AIG1: variants seen among roughly 807,000 people sequenced by gnomAD.
The protein encoded by AIG1 is androgen-induced gene 1 protein.
Under a neutral mutation model 31.4 loss-of-function variants are expected in AIG1, and 23 were observed. That is an observed-to-expected ratio of 0.73 (90% CI 0.53 to 1.04). The LOEUF (loss-of-function observed/expected upper bound fraction) is 1.04. Among genes scored for constraint, AIG1 ranks in the 50% least tolerant of loss-of-function variants. AIG1 has a pLI of 0.00. For synonymous variants in AIG1, 100 were observed against 110.5 expected (o/e 0.90, Z 0.60); for missense variants, 274 against 295.0 (o/e 0.93, Z 0.52).
intron 2 of AIG1, among the ~76,000 whole-genome samples, chr6:143,138,834 A>G (rs991808561): frequency 2.0e-5 from 3 of 151,190 alleles, no homozygotes; most frequent in African/African-American, 4.9e-5. Flanking sequence ...TGGAGGTTGC[A>G]GTGAGCTGAG....
At chr6:143,223,411 T>C (rs996109231) in intron 3 of AIG1, among the ~76,000 whole-genome samples, 6 of 152,330 alleles carry the variant, frequency 3.9e-5, no homozygotes, top group South Asian at 4.1e-4. Context: ...AGGTGTTTAT[T>C]ACCTTGCAAT....
intron 1 of AIG1, among the ~76,000 whole-genome samples, chr6:143,080,414 T>C (rs1353314428): frequency 6.6e-6 from 1 of 152,038 alleles, no homozygotes; most frequent in Non-Finnish European, 1.5e-5. Context: ...AGGTTAAAGA[T>C]ACAAGGATTG....
At chr6:143,342,832 A>G, downstream of AIG1, 2 of 807,394 alleles carry the variant, frequency 2.5e-6, no homozygotes, top group African/African-American at 1.7e-5. Context: ...CTGATATTTC[A>G]AATCTAATCC....
rs1777323417 is a variant in AIG1, at chr6:143,334,426, A to C, written c.679+981A>C. Reference sequence around the variant, plus strand: ...GGTTACTGTGCATGGTTACTGAATCAGACTTTTGTGTGTGTGGATCCTCTA... The same window carrying C: ...GGTTACTGTGCATGGTTACTGAATCCGACTTTTGTGTGTGTGGATCCTCTA... On this transcript the variant is annotated intron_variant, in intron 5 of 5. Transcript: ENST00000357847. This position sits in a 1 kb window ranked among gnomAD's most constrained non-coding sequence, Gnocchi z 5.1. Among the ~76,000 whole-genome samples the C allele has an allele frequency of 6.6e-6, 1 of 152,252 alleles. No homozygotes were observed. Among genetic ancestry groups the C allele is most frequent in the South Asian group, 2.1e-4 (1 of 4,834 alleles).
At position 143,280,485 on chromosome 6, in the gene AIG1, T is replaced by G. The variant is rs1356396439; in HGVS notation, c.400-3625T>G. On this transcript the variant is annotated intron_variant, in intron 3 of 5. Transcript: ENST00000357847. The surrounding 1 kb of genome is among the most constrained non-coding windows in gnomAD (Gnocchi z 4.1). ...TGGAATCAACCTAAATGCCTATCAG[T>G]GACAGATTGGATAAGGAAAATGTGG... Among the ~76,000 whole-genome samples the G allele has an allele frequency of 6.6e-6, 1 of 152,146 alleles. No individual in the cohort carries two copies. Among genetic ancestry groups the G allele is most frequent in the African/African-American group, 2.4e-5 (1 of 41,430 alleles).
intron 1 of AIG1, among the ~76,000 whole-genome samples, chr6:143,123,922 T>C (rs1039809837): frequency 5.3e-5 from 8 of 152,252 alleles, no homozygotes; most frequent in Non-Finnish European, 1.0e-4. Context: ...TAGGTTTTCC[T>C]GATCTACTTT....
downstream of AIG1, among the ~76,000 whole-genome samples, chr6:143,343,773 A>G (rs1777903455): frequency 1.3e-5 from 2 of 152,224 alleles, no homozygotes; most frequent in South Asian, 2.1e-4. Flanking sequence ...GGTTTGTTAT[A>G]TAGGTAAACT....
chr6:143,339,550 A>G (rs1777757864), intron 5 of AIG1, 89 bp from the exon 6 acceptor site: 1 of 1,323,920 alleles, frequency 7.6e-7, no homozygotes, highest in African/African-American at 1.5e-5. Flanking sequence ...AGATGAGTGG[A>G]TGTGTGAGTA....
intron 4 of AIG1, among the ~76,000 whole-genome samples, chr6:143,322,476 G>A (rs1035591437): frequency 2.0e-5 from 3 of 152,154 alleles, no homozygotes; most frequent in Non-Finnish European, 4.4e-5. Flanking sequence ...TCCCTACAAT[G>A]TTCGATGTCT....
chr6:143,107,760 T>A (rs540937498), intron 1 of AIG1, among the ~76,000 whole-genome samples: 1 of 152,188 alleles, frequency 6.6e-6, no homozygotes, highest in African/African-American at 2.4e-5. Context: ...GAGTTATAAG[T>A]CATTTCTGAA....
At chr6:143,097,811 C>G (rs1408059855) in intron 1 of AIG1, among the ~76,000 whole-genome samples, 1 of 152,172 alleles carries the variant, frequency 6.6e-6, no homozygotes, top group Non-Finnish European at 1.5e-5. Context: ...TCTACATTCT[C>G]CCATCATCAA....
At chr6:143,122,589 T>C (rs551058528) in intron 1 of AIG1, among the ~76,000 whole-genome samples, 1 of 152,360 alleles carries the variant, frequency 6.6e-6, no homozygotes, top group Admixed American at 6.5e-5. Context: ...TTTTAGAACA[T>C]ATGTTTCTTT....
intron 3 of AIG1, chr6:143,187,575 C>T (rs1206959373): frequency 1.3e-6 from 2 of 1,536,092 alleles, no homozygotes; most frequent in Non-Finnish European, 1.7e-6. Flanking sequence ...TGAAAAGCAA[C>T]CTTCTGCAGG....
chr6:143,251,892 ATCT>A (rs1208968467), intron 3 of AIG1, among the ~76,000 whole-genome samples: 1 of 152,146 alleles, frequency 6.6e-6, no homozygotes, highest in Non-Finnish European at 1.5e-5. Flanking sequence ...ATTCCATTAC[ATCT>A]TCTCTCCATT....
At chr6:143,218,089 C>T (rs1399843154) in intron 3 of AIG1, among the ~76,000 whole-genome samples, 9 of 152,226 alleles carry the variant, frequency 5.9e-5, no homozygotes, top group Non-Finnish European at 1.3e-4. Context: ...TGCGAATTCA[C>T]TTACTTGTCT....
At position 143,340,941 on chromosome 6, in the gene AIG1, T is replaced by C. The variant is rs757400749; in HGVS notation, c.*1265T>C. 2.0e-5 allele frequency among the ~76,000 whole-genome samples: 3 copies of C among 152,172 alleles called. No homozygotes were observed. The highest frequency in any genetic ancestry group is 2.1e-4 in the South Asian group (1 of 4,824). ...CATTCACTCCAAAATTATAATTACA[T>C]TTTAAAATTAAAAAATGAAAAGCAT... is the stretch of plus-strand genomic sequence containing the variant. On this transcript the variant is annotated 3_prime_UTR_variant, in exon 6 of 6. Transcript: ENST00000357847.
intron 3 of AIG1, among the ~76,000 whole-genome samples, chr6:143,190,860 A>G (rs1789729341): frequency 6.6e-6 from 1 of 152,218 alleles, no homozygotes; most frequent in African/African-American, 2.4e-5. Flanking sequence ...AGGTCTTGAC[A>G]ATGCTTTCTT....
intron 2 of AIG1, among the ~76,000 whole-genome samples, chr6:143,163,982 C>T (rs1786672514): frequency 6.6e-6 from 1 of 152,156 alleles, no homozygotes; most frequent in South Asian, 2.1e-4. Context: ...CCTTTTACTG[C>T]CTCTACCTGC....
At chr6:143,211,812 G>A (rs1791612654) in intron 3 of AIG1, among the ~76,000 whole-genome samples, 1 of 151,812 alleles carries the variant, frequency 6.6e-6, no homozygotes, top group Non-Finnish European at 1.5e-5. Flanking sequence ...GGAATTGCTT[G>A]AACCCAGGAT....
Sources: gnomAD v4.1 joint callset for allele counts (sites outside exome capture counted in the v4.1 genomes callset) on GRCh38, gnomAD v4.1.1 for gene constraint, Gnocchi (gnomAD v3.1) non-coding constraint, MANE v1.5 for transcripts, NCBI Gene and HGNC (gene_info 2026-07-23, HGNC 2026-07-21) for gene names.